NPAS3: variants seen among roughly 807,000 people sequenced by gnomAD.
NPAS3 encodes neuronal PAS domain-containing protein 3.
NPAS3 carries 14 observed loss-of-function variants against 73.1 expected under a neutral mutation model. That is an observed-to-expected ratio of 0.19 (90% CI 0.13 to 0.30). The LOEUF (loss-of-function observed/expected upper bound fraction) is 0.30, where lower values mean the gene tolerates loss of function less well. NPAS3 is among the 10% of genes least tolerant of loss of function. NPAS3 has a pLI of 1.00. For missense variants in NPAS3, 1,096 were observed against 1,250.0 expected, an observed-to-expected ratio of 0.88 and a Z score of 1.86; for synonymous variants, 620 against 541.5, an observed-to-expected ratio of 1.14 and a Z score of -2.01.
intron 4 of NPAS3, among the ~76,000 whole-genome samples, chr14:33,423,400 C>T (rs919246921): frequency 2.0e-5 from 3 of 151,924 alleles, no homozygotes; most frequent in Non-Finnish European, 4.4e-5. Flanking sequence ...TCTTTCAATA[C>T]AACAATTTTA....
At chr14:33,309,216 AAAGAG>A (rs2042904165) in intron 3 of NPAS3, among the ~76,000 whole-genome samples, 1 of 152,166 alleles carries the variant, frequency 6.6e-6, no homozygotes, top group African/African-American at 2.4e-5. Flanking sequence ...TGAAAAAGGA[AAAGAG>A]AAGGCAGGAG....
intron 2 of NPAS3, among the ~76,000 whole-genome samples, chr14:33,123,652 C>T (rs967995255): frequency 6.6e-6 from 1 of 151,568 alleles, no homozygotes; most frequent in African/African-American, 2.4e-5. Flanking sequence ...ATGTAGGCCC[C>T]AAGAAAAAGA....
At chr14:33,156,277 C>G (rs2044644588) in intron 2 of NPAS3, among the ~76,000 whole-genome samples, 1 of 152,136 alleles carries the variant, frequency 6.6e-6, no homozygotes. Flanking sequence ...TGCATCACTG[C>G]AGATTGATCT....
At chr14:33,436,453 G>T (rs1051660955) in intron 4 of NPAS3, among the ~76,000 whole-genome samples, 2 of 152,186 alleles carry the variant, frequency 1.3e-5, no homozygotes, top group Non-Finnish European at 2.9e-5. Flanking sequence ...ACTGTGGCAT[G>T]TACACATCAG....
chr14:33,793,823 A>T, intron 9 of NPAS3, 74 bp from the exon 10 acceptor site: 1 of 1,399,196 alleles, frequency 7.1e-7, no homozygotes, highest in South Asian at 1.3e-5. Context: ...AAGGTTTTGC[A>T]GAGATAAAAA....
chr14:33,395,030 A>C (rs1357133268), intron 4 of NPAS3, among the ~76,000 whole-genome samples: 1 of 152,164 alleles, frequency 6.6e-6, no homozygotes, highest in Non-Finnish European at 1.5e-5. Context: ...ATTAGGCTTT[A>C]ACAGTTTTTA....
At chr14:33,509,969 A>G (rs2052963221) in intron 4 of NPAS3, among the ~76,000 whole-genome samples, 1 of 151,868 alleles carries the variant, frequency 6.6e-6, no homozygotes, top group Non-Finnish European at 1.5e-5. Flanking sequence ...CTACCCTCCA[A>G]AGCTTTTATA....
intron 3 of NPAS3, among the ~76,000 whole-genome samples, chr14:33,272,302 T>C (rs2140017510): frequency 6.6e-6 from 1 of 152,380 alleles, no homozygotes. Flanking sequence ...AGCAGTGGGA[T>C]ATTCATGACC....
intron 5 of NPAS3, among the ~76,000 whole-genome samples, chr14:33,626,057 CA>C (rs1027213028): frequency 3.9e-5 from 6 of 152,292 alleles, no homozygotes; most frequent in Middle Eastern, 3.4e-3. Flanking sequence ...ACCAGAACTA[CA>C]ACCCAGAACT....
intron 6 of NPAS3, among the ~76,000 whole-genome samples, chr14:33,719,134 C>A (rs988343860): frequency 5.9e-5 from 9 of 152,094 alleles, no homozygotes; most frequent in African/African-American, 2.2e-4. Flanking sequence ...GAGCTATCCC[C>A]AGTTGCTAAG....
intron 4 of NPAS3, among the ~76,000 whole-genome samples, chr14:33,483,852 C>T (rs2051449971): frequency 6.6e-6 from 1 of 152,212 alleles, no homozygotes; most frequent in South Asian, 2.1e-4. Flanking sequence ...ACCTCAACAG[C>T]TTTGCAGATA....
intron 1 of NPAS3, among the ~76,000 whole-genome samples, chr14:32,994,873 C>T (rs1247266069): frequency 1.3e-5 from 2 of 152,202 alleles, no homozygotes; most frequent in East Asian, 3.9e-4. Flanking sequence ...CTCAGGTGAT[C>T]CACCCGCCTT....
In NPAS3 at chr14:33,222,212, G is replaced by A. The variant is rs183679082; in HGVS notation, c.385+6786G>A. Among the ~76,000 whole-genome samples, 26 of 152,254 alleles carry A rather than the reference G, an allele frequency of 1.7e-4. No homozygotes were observed. The East Asian group carries it at 4.8e-3, about 28-fold the overall frequency. Reference sequence around the variant, plus strand: ...AGGGTCTTCAGGGAGGAGAAGAGAGGGTCAGATAGTCTTCCTAGATTTTAT... The same window carrying A: ...AGGGTCTTCAGGGAGGAGAAGAGAGAGTCAGATAGTCTTCCTAGATTTTAT... On this transcript the variant is annotated intron_variant, in intron 3 of 11. Transcript: ENST00000356141.
chr14:32,974,141 G>A (rs887647965), intron 1 of NPAS3, among the ~76,000 whole-genome samples: 1 of 152,082 alleles, frequency 6.6e-6, no homozygotes, highest in African/African-American at 2.4e-5. Flanking sequence ...TTTACATGAG[G>A]AGAACTGTGA....
intron 3 of NPAS3, among the ~76,000 whole-genome samples, chr14:33,236,165 C>T (rs1360651024): frequency 6.6e-6 from 1 of 151,580 alleles, no homozygotes; most frequent in Non-Finnish European, 1.5e-5. Flanking sequence ...CCTGTCACCA[C>T]TGAAAAAAAA....
chr14:33,039,410 C>T, intron 1 of NPAS3, among the ~76,000 whole-genome samples: 1 of 152,168 alleles, frequency 6.6e-6, no homozygotes, highest in East Asian at 1.9e-4. Flanking sequence ...CAGAATTCAT[C>T]ATGATTCAGT....
chr14:33,487,961 G>C (rs747266392), intron 4 of NPAS3, among the ~76,000 whole-genome samples: 1 of 152,064 alleles, frequency 6.6e-6, no homozygotes, highest in Non-Finnish European at 1.5e-5. Flanking sequence ...TATATTTGTT[G>C]AATGGATGAA....
chr14:33,151,818 A>G (rs1227489271), intron 2 of NPAS3, among the ~76,000 whole-genome samples: 5 of 152,200 alleles, frequency 3.3e-5, no homozygotes, highest in African/African-American at 1.2e-4. Context: ...TATAATAAAA[A>G]TATTTAAAAA....
intron 5 of NPAS3, among the ~76,000 whole-genome samples, chr14:33,664,693 G>T (rs2059402698): frequency 6.6e-6 from 1 of 152,152 alleles, no homozygotes; most frequent in African/African-American, 2.4e-5. Context: ...CAAAAAGTAG[G>T]CAAAGGATAT....
Sources: gnomAD v4.1 joint callset for allele counts (sites outside exome capture counted in the v4.1 genomes callset) on GRCh38, gnomAD v4.1.1 for gene constraint, MANE v1.5 for transcripts, NCBI Gene and HGNC (gene_info 2026-07-23, HGNC 2026-07-21) for gene names.